FAM107B: variants seen among roughly 807,000 people sequenced by gnomAD.
FAM107B encodes family with sequence similarity 107 member B.
Under a neutral mutation model 31.5 loss-of-function variants are expected in FAM107B, and 21 were observed. That is an observed-to-expected ratio of 0.67 (90% CI 0.47 to 0.96). FAM107B has a LOEUF of 0.96. Among genes scored for constraint, FAM107B ranks in the 40% least tolerant of loss-of-function variants. The pLI is 0.00. For synonymous variants in FAM107B, 157 were observed against 141.5 expected (o/e 1.11, Z -0.78); for missense variants, 452 against 377.1 (o/e 1.20, Z -1.64).
chr10:14,605,641 C>T (rs1852569083), intron 2 of FAM107B, among the ~76,000 whole-genome samples: 1 of 152,200 alleles, frequency 6.6e-6, no homozygotes, highest in South Asian at 2.1e-4. Flanking sequence ...TCCCTGGAAC[C>T]CACTGAGGGG....
Position 14,655,176 on chromosome 10 carries a change from C to T in FAM107B, c.469+12458G>A, listed in dbSNP as rs754686452. Among the ~76,000 whole-genome samples the T allele has an allele frequency of 9.1e-4, 139 of 152,080 alleles. 1 individual carries two copies. Among genetic ancestry groups the T allele is most frequent in the Non-Finnish European group, 2.1e-4 (14 of 68,018 alleles). ...TCATGGGAAATAAGGGTGAGAGCTC[C>T]GTCAATCCATCAAGATTGACACTAA... On this transcript the variant is annotated intron_variant, in intron 2 of 4. Coordinates refer to ENST00000181796, the MANE Select transcript of FAM107B (RefSeq NM_031453.4).
At chr10:14,561,468 G>A (rs139146839) in intron 2 of FAM107B, among the ~76,000 whole-genome samples, 424 of 152,258 alleles carry the variant, frequency 2.8e-3, no homozygotes, top group African/African-American at 9.8e-3. Context: ...TTGGGCAGAC[G>A]GAGCAGCAAA....
At chr10:14,614,436 G>A (rs1331549275) in intron 2 of FAM107B, among the ~76,000 whole-genome samples, 1 of 152,086 alleles carries the variant, frequency 6.6e-6, no homozygotes, top group Admixed American at 6.5e-5. Context: ...ACTTTGGGAG[G>A]CTGAGGGAGG....
chr10:14,770,217 A>G (rs1391444988), intron 1 of FAM107B, among the ~76,000 whole-genome samples: 1 of 152,044 alleles, frequency 6.6e-6, no homozygotes, highest in Non-Finnish European at 1.5e-5. Context: ...GAGCATAATA[A>G]CTACTGACTA....
intron 1 of FAM107B, among the ~76,000 whole-genome samples, chr10:14,734,485 G>A (rs1205583941): frequency 2.2e-5 from 3 of 134,056 alleles, no homozygotes; most frequent in Non-Finnish European, 4.5e-5. Context: ...ATCTTTTTGT[G>A]AGGTTTTTTT....
Position 14,706,856 on chromosome 10 carries a change from G to A in FAM107B, c.412-39165C>T, listed in dbSNP as rs74778362. Among the ~76,000 whole-genome samples the A allele has an allele frequency of 8.4e-3, 1,284 of 152,264 alleles. 45 individuals are homozygous for A. The highest frequency in any genetic ancestry group is 0.075 in the East Asian group (387 of 5,176). ...ACTTAAAAAATGGTGGCCAGATGCC[G>A]TGTCTCACGCCTGGAATCCCAGCAC... On this transcript the variant is annotated intron_variant, in intron 1 of 4. Coordinates refer to ENST00000181796, the MANE Select transcript of FAM107B (RefSeq NM_031453.4).
chr10:14,621,865 T>TA (rs918768981), intron 2 of FAM107B, among the ~76,000 whole-genome samples: 10 of 151,430 alleles, frequency 6.6e-5, no homozygotes, highest in South Asian at 2.1e-4. Context: ...TTCTTCAGAG[T>TA]AAAAAAAAAT....
At chr10:14,666,882 C>A (rs1854416346) in intron 2 of FAM107B, among the ~76,000 whole-genome samples, 2 of 152,138 alleles carry the variant, frequency 1.3e-5, no homozygotes, top group South Asian at 4.1e-4. Context: ...CTTTTCATTA[C>A]CACTTCCAAT....
At chr10:14,734,520 G>A (rs1019637672) in intron 1 of FAM107B, among the ~76,000 whole-genome samples, 2 of 130,870 alleles carry the variant, frequency 1.5e-5, no homozygotes, top group South Asian at 2.4e-4. Flanking sequence ...ATCAGCTATC[G>A]TTAGTGTTAG....
intron 1 of FAM107B, among the ~76,000 whole-genome samples, chr10:14,747,764 C>A (rs531905293): frequency 3.7e-4 from 57 of 152,352 alleles, no homozygotes; most frequent in Non-Finnish European, 4.4e-4. Context: ...GGGGGTGTCT[C>A]ACCCAGTCAG....
At chr10:14,582,713 C>A (rs1444348849) in intron 2 of FAM107B, among the ~76,000 whole-genome samples, 1 of 151,722 alleles carries the variant, frequency 6.6e-6, no homozygotes, top group Non-Finnish European at 1.5e-5. Flanking sequence ...AGTACTTATT[C>A]CATGGAGGCA....
At chr10:14,551,101 T>G (rs1400410994) in intron 2 of FAM107B, among the ~76,000 whole-genome samples, 1 of 152,216 alleles carries the variant, frequency 6.6e-6, no homozygotes, top group Admixed American at 6.5e-5. Context: ...ATGAGACAAT[T>G]CTTTTAAAAG....
intron 1 of FAM107B, among the ~76,000 whole-genome samples, chr10:14,691,484 T>C (rs955961032): frequency 6.6e-6 from 1 of 152,212 alleles, no homozygotes; most frequent in African/African-American, 2.4e-5. Flanking sequence ...AAAGGCCCAG[T>C]ATGAGCCAGG....
chr10:14,685,023 G>T (rs959764977), intron 1 of FAM107B, among the ~76,000 whole-genome samples: 2 of 151,850 alleles, frequency 1.3e-5, no homozygotes, highest in Non-Finnish European at 2.9e-5. Flanking sequence ...TAGACATGGG[G>T]TCTCCCTATC....
intron 2 of FAM107B, among the ~76,000 whole-genome samples, chr10:14,623,848 A>C (rs1269670862): frequency 6.6e-6 from 1 of 152,128 alleles, no homozygotes; most frequent in Non-Finnish European, 1.5e-5. Context: ...AATCGCTCAC[A>C]CTTGGGCTAT....
chr10:14,539,057 A>T (rs536283599), intron 2 of FAM107B, among the ~76,000 whole-genome samples: 1 of 152,368 alleles, frequency 6.6e-6, no homozygotes, highest in East Asian at 1.9e-4. Flanking sequence ...AAGTAGGCAA[A>T]CAGTCCCAAC....
At chr10:14,736,984 G>A (rs1856313895) in intron 1 of FAM107B, among the ~76,000 whole-genome samples, 1 of 152,154 alleles carries the variant, frequency 6.6e-6, no homozygotes, top group Non-Finnish European at 1.5e-5. Flanking sequence ...AGGCCACACA[G>A]CAGACCTCAC....
chr10:14,545,032 C>G (rs1564548363), intron 2 of FAM107B, among the ~76,000 whole-genome samples: 1 of 152,158 alleles, frequency 6.6e-6, no homozygotes, highest in African/African-American at 2.4e-5. Flanking sequence ...GAGTCAGTCT[C>G]TGGGGGGTGG....
rs1197523210 is a variant in FAM107B, at chr10:14,598,438, GA to G, written c.470-67924del. ...CATGAACCTGGAGGACCAAGTGAAAGAAGCCAGGCACAGAAGGACAAATACC... is the reference window on the plus strand; with the variant it reads ...CATGAACCTGGAGGACCAAGTGAAAGAGCCAGGCACAGAAGGACAAATACC... On this transcript the variant is annotated intron_variant, in intron 2 of 4. Coordinates refer to ENST00000181796, the MANE Select transcript of FAM107B (RefSeq NM_031453.4). Among the ~76,000 whole-genome samples, 15 of 152,224 alleles carry G rather than the reference GA, an allele frequency of 9.9e-5. 1 individual carries two copies. The highest frequency in any genetic ancestry group is 3.6e-4 in the African/African-American group (15 of 41,448).
Sources: allele counts gnomAD v4.1 joint callset (sites outside exome capture counted in the v4.1 genomes callset), GRCh38; gene constraint gnomAD v4.1.1; transcripts MANE v1.5; gene names NCBI Gene and HGNC (gene_info 2026-07-23, HGNC 2026-07-21).